Variants in ATP2B2 observed in about 807,000 individuals in gnomAD.
ATP2B2 encodes ATPase plasma membrane Ca2+ transporting 2, also known as plasma membrane calcium-transporting ATPase 2.
In ATP2B2, 15 loss-of-function variants were observed where a neutral mutation model predicts 120.0. The observed-to-expected ratio is 0.12, with a 90% CI of 0.08 to 0.19. The LOEUF is 0.19. Ranked by LOEUF, ATP2B2 falls within the 10% of genes least tolerant of loss-of-function variation. The probability of loss-of-function intolerance (pLI) is 1.00; values close to 1 mark genes in which losing one functional copy is unlikely to be tolerated. For synonymous variants in ATP2B2, 694 were observed against 700.3 expected (o/e 0.99, Z 0.14); for missense variants, 1,045 against 1,719.8 (o/e 0.61, Z 6.94).
chr3:10,339,631 G>A (rs1186215943), intron 21 of ATP2B2, among the ~76,000 whole-genome samples: 1 of 152,150 alleles, frequency 6.6e-6, no homozygotes, highest in Non-Finnish European at 1.5e-5. Flanking sequence ...CCAGCCCAAG[G>A]AGCCCCAGAG....
chr3:10,373,517 G>C (rs145411255), intron 11 of ATP2B2, among the ~76,000 whole-genome samples: 110 of 152,292 alleles, frequency 7.2e-4, no homozygotes, highest in Non-Finnish European at 1.3e-3. Context: ...AATGTGCTGT[G>C]AGTGCAAAAT....
At chr3:10,616,036 T>A (rs1230743751) in intron 2 of ATP2B2, among the ~76,000 whole-genome samples, 1 of 152,110 alleles carries the variant, frequency 6.6e-6, no homozygotes, top group South Asian at 2.1e-4. Flanking sequence ...GATGGAGACA[T>A]GAGTTTTCCT....
chr3:10,533,902 C>A (rs2067258208), intron 3 of ATP2B2: 1 of 152,258 alleles, frequency 6.6e-6, no homozygotes, highest in Admixed American at 6.5e-5. Context: ...ACACATGTCC[C>A]CAATAGGATG....
chr3:10,385,061 C>T (rs1220171731), intron 8 of ATP2B2, among the ~76,000 whole-genome samples: 1 of 152,216 alleles, frequency 6.6e-6, no homozygotes, highest in East Asian at 1.9e-4. Flanking sequence ...TTTTTGGCAG[C>T]TGTGAGGCTG....
At chr3:10,673,576 G>C (rs910832084) in intron 1 of ATP2B2, among the ~76,000 whole-genome samples, 5 of 151,950 alleles carry the variant, frequency 3.3e-5, no homozygotes, top group African/African-American at 1.2e-4. Flanking sequence ...GAGGCAAGAG[G>C]ATTGCTTGAG....
intron 1 of ATP2B2, among the ~76,000 whole-genome samples, chr3:10,487,186 C>T (rs943888098): frequency 6.6e-6 from 1 of 152,028 alleles, no homozygotes; most frequent in Non-Finnish European, 1.5e-5. Context: ...CATGCTGGTC[C>T]CTTCCTTTCC....
intron 2 of ATP2B2, among the ~76,000 whole-genome samples, chr3:10,429,360 G>A (rs904849707): frequency 6.6e-6 from 1 of 152,134 alleles, no homozygotes; most frequent in Non-Finnish European, 1.5e-5. Flanking sequence ...AAGTCTATAG[G>A]TGCCATTTTT....
chr3:10,488,265 CCATCCATCCATGCATG>C (rs2065784302), intron 1 of ATP2B2, among the ~76,000 whole-genome samples: 1 of 146,004 alleles, frequency 6.8e-6, no homozygotes. Context: ...ATCCATCCAT[CCATCCATCCATGCATG>C]CATCCATCCA....
intron 1 of ATP2B2, among the ~76,000 whole-genome samples, chr3:10,671,501 T>TA (rs1184346889): frequency 1.3e-5 from 2 of 152,164 alleles, no homozygotes; most frequent in East Asian, 3.8e-4. Context: ...GGAAGTCTCT[T>TA]AGTCCTGGAC....
chr3:10,454,522 G>A (rs746575662), intron 1 of ATP2B2, among the ~76,000 whole-genome samples: 1 of 152,174 alleles, frequency 6.6e-6, no homozygotes, highest in Non-Finnish European at 1.5e-5. Context: ...TACCTCTTCT[G>A]ATGTGGCTTG....
intron 2 of ATP2B2, among the ~76,000 whole-genome samples, chr3:10,539,685 TC>T (rs1374601638): frequency 6.6e-6 from 1 of 152,184 alleles, no homozygotes; most frequent in East Asian, 1.9e-4. Flanking sequence ...TGAAACTGGA[TC>T]CCTTCCTTAC....
chr3:10,376,582 T>C (rs1159722770), intron 10 of ATP2B2, among the ~76,000 whole-genome samples: 1 of 152,168 alleles, frequency 6.6e-6, no homozygotes, highest in Non-Finnish European at 1.5e-5. Context: ...CCATCCCCCA[T>C]CTGCTACAGG....
chr3:10,611,547 C>T (rs1488103836), intron 2 of ATP2B2, among the ~76,000 whole-genome samples: 1 of 152,144 alleles, frequency 6.6e-6, no homozygotes, highest in East Asian at 1.9e-4. Context: ...GAGCCTACAC[C>T]ATCAGTGACA....
chr3:10,350,383 C>G lies in ATP2B2; in HGVS notation c.2316+15G>C. On this transcript the variant is annotated intron_variant, in intron 15 of 22. Coordinates refer to ENST00000360273, the MANE Select transcript of ATP2B2 (RefSeq NM_001001331.4). ...AGCGCGTTCCCCTGAGGATGCTTTA[C>G]GTTGGGACACGCACCTCCCCCTTCT... is the stretch of plus-strand genomic sequence containing the variant. 1 of 1,614,212 alleles carries G rather than the reference C, an allele frequency of 6.2e-7. No homozygotes were observed. The highest frequency in any genetic ancestry group is 8.5e-7 in the Non-Finnish European group (1 of 1,180,020).
rs113019655 is a variant in ATP2B2, at chr3:10,579,325, C to T, written c.-415+40592G>A. 8.6e-3 allele frequency among the ~76,000 whole-genome samples: 1,315 copies of T among 152,340 alleles called. 10 individuals are homozygous for T. Among genetic ancestry groups the T allele is most frequent in the African/African-American group, 0.019 (775 of 41,570 alleles). On this transcript the variant is annotated intron_variant, in intron 2 of 21. Transcript: ENST00000646379. ...TGCTGCAAATGTGCCCAGAACAGGG[C>T]TCGCCTCCTGAGTGGCCAAGGTGGG...
Position 10,684,304 on chromosome 3 carries a change from A to T in ATP2B2, c.-460+23611T>A, listed in dbSNP as rs749828995. 7.2e-5 allele frequency among the ~76,000 whole-genome samples: 11 copies of T among 152,348 alleles called. No individual in the cohort carries two copies. In the South Asian group the frequency reaches 2.3e-3, roughly 32 times the overall value. On this transcript the variant is annotated intron_variant, in intron 1 of 21. Coordinates refer to the ATP2B2 transcript ENST00000646379. ...TAAGAGCCACATCAGCCCTAGAACAACTGGTGACCACCTGGAATGCTGAAA... is the reference window on the plus strand; with the variant it reads ...TAAGAGCCACATCAGCCCTAGAACATCTGGTGACCACCTGGAATGCTGAAA...
chr3:10,525,968 T>A (rs2067082665), intron 3 of ATP2B2, among the ~76,000 whole-genome samples: 1 of 152,202 alleles, frequency 6.6e-6, no homozygotes, highest in Admixed American at 6.5e-5. Context: ...AGTTTACTCA[T>A]CTTCAAAGTG....
chr3:10,441,948 C>T (rs1226277869), intron 2 of ATP2B2, among the ~76,000 whole-genome samples: 2 of 152,144 alleles, frequency 1.3e-5, no homozygotes, highest in African/African-American at 4.8e-5. Flanking sequence ...CTCCATATTC[C>T]TTCCCTTTTC....
At chr3:10,670,363 T>TA (rs1002257334) in intron 1 of ATP2B2, among the ~76,000 whole-genome samples, 2 of 152,118 alleles carry the variant, frequency 1.3e-5, no homozygotes, top group African/African-American at 2.4e-5. Flanking sequence ...ACATTTTTTT[T>TA]AACGGGAAAG....
Sources: gnomAD v4.1 joint callset for allele counts (sites outside exome capture counted in the v4.1 genomes callset) on GRCh38, gnomAD v4.1.1 for gene constraint, MANE v1.5 for transcripts, NCBI Gene and HGNC (gene_info 2026-07-23, HGNC 2026-07-21) for gene names.